Variants in PSD3 observed in about 807,000 individuals in gnomAD.
PSD3 encodes PH and SEC7 domain-containing protein 3.
Under a neutral mutation model 105.5 loss-of-function variants are expected in PSD3, and 49 were observed. The observed-to-expected ratio is 0.46, with a 90% CI of 0.37 to 0.59. The LOEUF (loss-of-function observed/expected upper bound fraction) is 0.59. Among genes scored for constraint, PSD3 ranks in the 20% least tolerant of loss-of-function variants. The probability of loss-of-function intolerance (pLI) is 0.00; values close to 1 mark genes in which losing one functional copy is unlikely to be tolerated. For synonymous variants in PSD3, 557 were observed against 457.8 expected (o/e 1.22, Z -2.77); for missense variants, 1,561 against 1,263.8 (o/e 1.24, Z -3.57).
chr8:18,616,333 G>C (rs941157452), intron 11 of PSD3, among the ~76,000 whole-genome samples: 1 of 152,182 alleles, frequency 6.6e-6, no homozygotes, highest in Non-Finnish European at 1.5e-5. Flanking sequence ...TTTTGAGATG[G>C]CCTTTCAGAG....
chr8:18,966,178 G>T (rs1196196326), intron 1 of PSD3, among the ~76,000 whole-genome samples: 1 of 152,162 alleles, frequency 6.6e-6, no homozygotes, highest in Non-Finnish European at 1.5e-5. Context: ...CACTAAGATG[G>T]ATTTCTTAAT....
At chr8:18,655,580 T>C in intron 10 of PSD3, 62 bp downstream of exon 10, 4 of 1,462,780 alleles carry the variant, frequency 2.7e-6, no homozygotes, top group Non-Finnish European at 1.9e-6. Context: ...TTCCAAGGCA[T>C]AAAGACAGTA....
At chr8:18,696,932 A>T (rs1801290544) in intron 9 of PSD3, among the ~76,000 whole-genome samples, 1 of 152,134 alleles carries the variant, frequency 6.6e-6, no homozygotes, top group Non-Finnish European at 1.5e-5. Context: ...TGCCCCATAT[A>T]TCCAAAATGT....
intron 15 of PSD3, among the ~76,000 whole-genome samples, chr8:18,543,669 GA>G (rs1585206562): frequency 1.3e-5 from 2 of 151,812 alleles, no homozygotes; most frequent in South Asian, 2.1e-4. Context: ...AATATGTAGG[GA>G]AAAAATCCCT....
intron 1 of PSD3, among the ~76,000 whole-genome samples, chr8:18,936,427 G>A (rs934632150): frequency 2.0e-5 from 3 of 152,122 alleles, no homozygotes; most frequent in Non-Finnish European, 2.9e-5. Context: ...AATTATGGTC[G>A]GTTTTTAAAA....
intron 14 of PSD3, among the ~76,000 whole-genome samples, chr8:18,570,605 T>A (rs1050644822): frequency 2.2e-4 from 32 of 146,380 alleles, no homozygotes; most frequent in Non-Finnish European, 3.8e-4. Flanking sequence ...GAATCTACAA[T>A]GAATTCAAAC....
chr8:18,860,945 C>G (rs899429134), intron 4 of PSD3, among the ~76,000 whole-genome samples: 1 of 151,978 alleles, frequency 6.6e-6, no homozygotes, highest in African/African-American at 2.4e-5. Flanking sequence ...AAGTAACAGG[C>G]GCCGCACCAT....
upstream of PSD3, among the ~76,000 whole-genome samples, chr8:19,016,395 A>T (rs1827179568): frequency 6.6e-6 from 1 of 152,244 alleles, no homozygotes; most frequent in Non-Finnish European, 1.5e-5. Context: ...AAATTCCATC[A>T]TGTATTATTC....
At chr8:19,063,058 T>C (rs1373196212) in intron 1 of PSD3, among the ~76,000 whole-genome samples, 2 of 152,214 alleles carry the variant, frequency 1.3e-5, no homozygotes, top group African/African-American at 4.8e-5. Flanking sequence ...TTAATTAGTG[T>C]AGAAAGGTAG....
chr8:19,030,041 C>G (rs568980408), intron 1 of PSD3, among the ~76,000 whole-genome samples: 1 of 152,122 alleles, frequency 6.6e-6, no homozygotes, highest in African/African-American at 2.4e-5. Flanking sequence ...AACAGACATC[C>G]TTGCTTAGTT....
At chr8:18,845,978 G>C (rs139466368) in intron 4 of PSD3, among the ~76,000 whole-genome samples, 3,140 of 152,256 alleles carry the variant, frequency 0.021, 43 homozygotes, top group Non-Finnish European at 0.033. Flanking sequence ...TAAATCAATG[G>C]TATGAGCCTA....
In PSD3 at chr8:18,718,095, C is replaced by A. The variant is rs191180659; in HGVS notation, c.2172+47354G>T. Among the ~76,000 whole-genome samples the A allele has an allele frequency of 6.4e-4, 97 of 151,360 alleles. 1 individual carries two copies. Among genetic ancestry groups the A allele is most frequent in the South Asian group, 5.8e-3 (28 of 4,802 alleles). On this transcript the variant is annotated intron_variant, in intron 9 of 15. Transcript: ENST00000327040. ...CAGAAATGGAATTAGTTTCACCCTG[C>A]CCTAGTGAGCCCTTGAAGCTCTGAC...
At chr8:18,629,282 T>G (rs1806723735) in intron 11 of PSD3, among the ~76,000 whole-genome samples, 1 of 151,968 alleles carries the variant, frequency 6.6e-6, no homozygotes, top group Non-Finnish European at 1.5e-5. Flanking sequence ...ATATAGAAAC[T>G]TTAGAAATTT....
intron 4 of PSD3, among the ~76,000 whole-genome samples, chr8:18,817,994 C>A (rs1586115094): frequency 6.6e-6 from 1 of 152,170 alleles, no homozygotes; most frequent in East Asian, 1.9e-4. Context: ...CACTCTGTCG[C>A]CCAGGCTGGA....
At chr8:18,862,519 G>A (rs1816527878) in intron 4 of PSD3, among the ~76,000 whole-genome samples, 1 of 152,040 alleles carries the variant, frequency 6.6e-6, no homozygotes, top group African/African-American at 2.4e-5. Flanking sequence ...ACAGCAACAG[G>A]CTCATGAAGC....
intron 9 of PSD3, among the ~76,000 whole-genome samples, chr8:18,680,084 T>C (rs1800295789): frequency 6.6e-6 from 1 of 152,190 alleles, no homozygotes; most frequent in Admixed American, 6.5e-5. Context: ...GAAAAGAGTG[T>C]TTATCAACAT....
intron 4 of PSD3, among the ~76,000 whole-genome samples, chr8:18,851,643 A>G (rs17127326): frequency 0.04 from 6,153 of 152,304 alleles, 396 homozygotes; most frequent in African/African-American, 0.14. Flanking sequence ...GGCGGTTCCC[A>G]TCAAGGGAGC....
intron 9 of PSD3, among the ~76,000 whole-genome samples, chr8:18,749,241 C>A (rs1331905716): frequency 6.6e-6 from 1 of 152,108 alleles, no homozygotes; most frequent in Non-Finnish European, 1.5e-5. Flanking sequence ...CGTTATCATC[C>A]TTCCTGTCTC....
At chr8:18,747,763 A>C (rs1003480708) in intron 9 of PSD3, among the ~76,000 whole-genome samples, 6 of 152,104 alleles carry the variant, frequency 3.9e-5, no homozygotes, top group Non-Finnish European at 7.3e-5. Context: ...ATGTCTGCTC[A>C]GTATGCAGAG....
Sources: allele counts gnomAD v4.1 joint callset (sites outside exome capture counted in the v4.1 genomes callset), GRCh38; gene constraint gnomAD v4.1.1; transcripts MANE v1.5; gene names NCBI Gene and HGNC (gene_info 2026-07-23, HGNC 2026-07-21).